ZBTB8A: variants seen among roughly 807,000 people sequenced by gnomAD.
The protein encoded by ZBTB8A is zinc finger and BTB domain containing 8A.
A neutral mutation model predicts 37.8 loss-of-function variants in ZBTB8A; 19 were observed. The ratio of observed to expected loss-of-function variants is 0.50; its 90% CI spans 0.35 to 0.74. ZBTB8A has a LOEUF of 0.74. Ranked by LOEUF, ZBTB8A falls within the 30% of genes least tolerant of loss-of-function variation. The pLI is 0.01. For synonymous variants in ZBTB8A, 181 were observed against 185.2 expected (o/e 0.98, Z 0.19); for missense variants, 394 against 537.8 (o/e 0.73, Z 2.65).
At chr1:32,582,645 A>ATCTC (rs1459934736) in intron 2 of ZBTB8A, among the ~76,000 whole-genome samples, 2 of 152,078 alleles carry the variant, frequency 1.3e-5, no homozygotes, top group East Asian at 1.9e-4. Context: ...CTCTCTCAAA[A>ATCTC]AAAAAAAAGA....
At chr1:32,587,005 G>T (rs904047786) in intron 2 of ZBTB8A, among the ~76,000 whole-genome samples, 1 of 152,134 alleles carries the variant, frequency 6.6e-6, no homozygotes, top group South Asian at 2.1e-4. Flanking sequence ...AGCACTTTGG[G>T]AGGCCGAGGC....
At chr1:32,589,681 C>A (rs1333016771) in intron 2 of ZBTB8A, among the ~76,000 whole-genome samples, 1 of 151,970 alleles carries the variant, frequency 6.6e-6, no homozygotes, top group East Asian at 1.9e-4. Flanking sequence ...TCCCGAGTAG[C>A]TGGGATTACA....
chr1:32,599,043 C>T (rs950679920), intron 4 of ZBTB8A, among the ~76,000 whole-genome samples: 3 of 152,040 alleles, frequency 2.0e-5, no homozygotes, highest in African/African-American at 4.8e-5. Flanking sequence ...CCCTTCCAAT[C>T]CCTGTGGTCC....
At chr1:32,577,844 A>G (rs1644374580) in intron 2 of ZBTB8A, among the ~76,000 whole-genome samples, 1 of 151,830 alleles carries the variant, frequency 6.6e-6, no homozygotes, top group Admixed American at 6.6e-5. Flanking sequence ...CAGCCTCCCA[A>G]AATACTGGGA....
At chr1:32,546,766 TGTG>T (rs1644107531) in intron 1 of ZBTB8A, among the ~76,000 whole-genome samples, 2 of 152,260 alleles carry the variant, frequency 1.3e-5, no homozygotes, top group Admixed American at 1.3e-4. Flanking sequence ...CTTTGAATCC[TGTG>T]GCTCTCAGCA....
intron 2 of ZBTB8A, among the ~76,000 whole-genome samples, chr1:32,580,586 A>T (rs1452940959): frequency 6.6e-6 from 1 of 152,046 alleles, no homozygotes; most frequent in African/African-American, 2.4e-5. Context: ...GGTTAATGAC[A>T]ATACTGGGGA....
chr1:32,589,700 C>G (rs780976020), intron 2 of ZBTB8A, among the ~76,000 whole-genome samples: 1 of 151,774 alleles, frequency 6.6e-6, no homozygotes, highest in African/African-American at 2.4e-5. Context: ...CAGGTAGGCA[C>G]CGCCATGCCT....
intron 1 of ZBTB8A, among the ~76,000 whole-genome samples, chr1:32,542,173 C>T (rs572549183): frequency 2.0e-5 from 3 of 152,232 alleles, no homozygotes; most frequent in Admixed American, 1.3e-4. Flanking sequence ...GACTCAGGAA[C>T]GTTTGCTAAG....
chr1:32,572,115 G>A (rs1644326990), intron 2 of ZBTB8A, among the ~76,000 whole-genome samples: 1 of 152,058 alleles, frequency 6.6e-6, no homozygotes, highest in African/African-American at 2.4e-5. Context: ...TTGGTCTGTA[G>A]TTTTATTTTC....
chr1:32,582,812 A>T (rs1044525726), intron 2 of ZBTB8A, among the ~76,000 whole-genome samples: 1 of 152,162 alleles, frequency 6.6e-6, no homozygotes, highest in Admixed American at 6.6e-5. Flanking sequence ...AAACAAGGTC[A>T]TATAAGGACT....
At chr1:32,590,766 G>T (rs1354085004) in intron 2 of ZBTB8A, among the ~76,000 whole-genome samples, 3 of 152,074 alleles carry the variant, frequency 2.0e-5, no homozygotes, top group Non-Finnish European at 4.4e-5. Flanking sequence ...CTTCTAAAGA[G>T]GTATCCCTAA....
At chr1:32,594,664 G>A (rs1008501786) in intron 3 of ZBTB8A, among the ~76,000 whole-genome samples, 3 of 151,966 alleles carry the variant, frequency 2.0e-5, no homozygotes, top group African/African-American at 7.2e-5. Flanking sequence ...AGGAGCCTGA[G>A]GCAGAAGAAT....
chr1:32,574,387 G>C (rs1644345050), intron 2 of ZBTB8A, among the ~76,000 whole-genome samples: 1 of 152,018 alleles, frequency 6.6e-6, no homozygotes, highest in Non-Finnish European at 1.5e-5. Flanking sequence ...CTTGAGGCCA[G>C]GAGTTTGAGA....
intron 2 of ZBTB8A, among the ~76,000 whole-genome samples, chr1:32,582,069 C>G (rs1434237149): frequency 6.6e-6 from 1 of 152,014 alleles, no homozygotes; most frequent in Non-Finnish European, 1.5e-5. Context: ...AGTCATGACC[C>G]AACTACCTTG....
At chr1:32,582,116 G>C (rs1191685547) in intron 2 of ZBTB8A, among the ~76,000 whole-genome samples, 1 of 152,052 alleles carries the variant, frequency 6.6e-6, no homozygotes, top group Non-Finnish European at 1.5e-5. Flanking sequence ...TATTTTAACT[G>C]AGAGGATATG....
intron 2 of ZBTB8A, among the ~76,000 whole-genome samples, chr1:32,590,674 T>G (rs909034760): frequency 6.6e-6 from 1 of 152,160 alleles, no homozygotes; most frequent in African/African-American, 2.4e-5. Context: ...AGTTTTCACC[T>G]ATCTTGCTGG....
At chr1:32,598,377 C>T (rs971946243) in intron 4 of ZBTB8A, among the ~76,000 whole-genome samples, 4 of 151,814 alleles carry the variant, frequency 2.6e-5, no homozygotes, top group East Asian at 3.9e-4. Context: ...GGATTACAGG[C>T]GTGTGCCACC....
intron 2 of ZBTB8A, among the ~76,000 whole-genome samples, chr1:32,569,538 C>T (rs527727007): frequency 2.2e-4 from 33 of 151,568 alleles, no homozygotes; most frequent in African/African-American, 7.7e-4. Context: ...GAACTACAGG[C>T]GCCCGTCACC....
chr1:32,568,915 GCTGCTATGAAAATT>G (rs1644304795), intron 2 of ZBTB8A, among the ~76,000 whole-genome samples: 1 of 152,144 alleles, frequency 6.6e-6, no homozygotes, highest in African/African-American at 2.4e-5. Context: ...TATGAACAAA[GCTGCTATGAAAATT>G]CTTGTATAAA....
Sources: allele counts gnomAD v4.1 joint callset (sites outside exome capture counted in the v4.1 genomes callset), GRCh38; gene constraint gnomAD v4.1.1; transcripts MANE v1.5; gene names NCBI Gene and HGNC (gene_info 2026-07-23, HGNC 2026-07-21).